The following NRXN1 variants were observed in gnomAD, a reference collection of about 807,000 sequenced individuals.
The protein encoded by NRXN1 is neurexin 1.
NRXN1 carries 39 observed loss-of-function variants against 150.9 expected under a neutral mutation model. The observed-to-expected ratio is 0.26, with a 90% CI of 0.20 to 0.34. The LOEUF (loss-of-function observed/expected upper bound fraction) is 0.34, where lower values mean the gene tolerates loss of function less well. Among genes scored for constraint, NRXN1 ranks in the 10% least tolerant of loss-of-function variants. The pLI, the probability that NRXN1 is intolerant of heterozygous loss-of-function variation, is 1.00. For synonymous variants in NRXN1, 924 were observed against 757.0 expected (o/e 1.22, Z -3.62); for missense variants, 1,815 against 1,949.9 (o/e 0.93, Z 1.30).
chr2:50,749,590 A>G (rs962174003), intron 5 of NRXN1, among the ~76,000 whole-genome samples: 1 of 152,116 alleles, frequency 6.6e-6, no homozygotes, highest in Non-Finnish European at 1.5e-5. Flanking sequence ...AATGGAGAAC[A>G]TGTTCATCTT....
chr2:49,924,017 A>G (rs1273489837), intron 22 of NRXN1, among the ~76,000 whole-genome samples: 2 of 152,230 alleles, frequency 1.3e-5, no homozygotes, highest in Non-Finnish European at 2.9e-5. Context: ...CCTCTCATGA[A>G]GAATAGAATC....
Position 50,844,890 on chromosome 2 carries a change from G to A in NRXN1, c.832+76979C>T, listed in dbSNP as rs147172742. Among the ~76,000 whole-genome samples the A allele has an allele frequency of 2.7e-3, 413 of 151,744 alleles. 2 individuals are homozygous for A. Among genetic ancestry groups the A allele is most frequent in the Middle Eastern group, 0.014 (4 of 294 alleles). The stretch of plus-strand genomic sequence containing the variant: ...TTTTTTTGAAGCAGAGGCTTATTCT[G>A]TTGTTCAGGCTGGAGTGCAGTGGCG... On this transcript the variant is annotated intron_variant, in intron 5 of 22. Coordinates refer to ENST00000401669, the MANE Select transcript of NRXN1 (RefSeq NM_001330078.2).
intron 5 of NRXN1, among the ~76,000 whole-genome samples, chr2:50,839,822 C>A (rs148578108): frequency 4.7e-4 from 72 of 152,148 alleles, no homozygotes; most frequent in East Asian, 1.7e-3. Flanking sequence ...AGTAATTCTC[C>A]TCAGAACTAA....
intron 2 of NRXN1, among the ~76,000 whole-genome samples, chr2:50,987,045 T>C (rs1697833652): frequency 2.0e-5 from 3 of 151,896 alleles, no homozygotes; most frequent in South Asian, 2.1e-4. Context: ...AATGCACTTA[T>C]GTGACTTCTA....
At chr2:50,886,273 A>G (rs930517065) in intron 5 of NRXN1, among the ~76,000 whole-genome samples, 2 of 151,414 alleles carry the variant, frequency 1.3e-5, no homozygotes, top group Non-Finnish European at 3.0e-5. Flanking sequence ...GTAGAAAAAT[A>G]AAGATAGAAA....
rs902893972 is a variant in NRXN1 at position 49,922,018 on chromosome 2, T to C, written c.4450A>G (p.Lys1484Glu). The change falls in exon 23 of 23, where the codon AAG becomes GAG. Residue 1484 changes from lysine (K) to glutamate (E), a missense_variant. Lys to Glu is a moderately conservative substitution (Grantham distance 56). Around this residue, in one of 6 missense-constraint regions of NRXN1, gnomAD observed 265 missense variants for 307.1 expected, o/e 0.86. Transcript: ENST00000401669. The part of the protein sequence containing the change: ...NSAQSNGAVV[K>E]EKQPSSAKSS... ...TTCGCACTGCTGGGTTGTTTCTCCT[T>C]TACAACAGCCCCATTGGACTGTGCT... 2.5e-6 allele frequency: 4 copies of C among 1,614,068 alleles called. No individual in the cohort carries two copies. The African/African-American group carries it at 5.3e-5, about 22-fold the overall frequency.
Position 50,998,394 on chromosome 2 carries a change from G to GA in NRXN1, c.772+29107dup, listed in dbSNP as rs1387915552. Among the ~76,000 whole-genome samples, 5 of 106,180 alleles carry GA rather than the reference G, an allele frequency of 4.7e-5. 1 individual carries two copies. Among genetic ancestry groups the GA allele is most frequent in the African/African-American group, 3.0e-4 (5 of 16,526 alleles). The allele number at this position is 106,180 out of a possible 152,430, so 69.7% of individuals were successfully genotyped here. On this transcript the variant is annotated intron_variant, in intron 2 of 22. Transcript: ENST00000401669. ...AGCCATTTCTTGTGTAGCACCCAAGGAAAGTCTTTCACATTCAAACTGCCT... is the reference window on the plus strand; with the variant it reads ...AGCCATTTCTTGTGTAGCACCCAAGGAAAAGTCTTTCACATTCAAACTGCCT...
chr2:50,996,223 T>C (rs1699258670), intron 2 of NRXN1, among the ~76,000 whole-genome samples: 1 of 152,122 alleles, frequency 6.6e-6, no homozygotes, highest in South Asian at 2.1e-4. Flanking sequence ...GTAATTATTT[T>C]AATCCGTATT....
At chr2:50,732,145 T>C (rs1698177826) in intron 5 of NRXN1, among the ~76,000 whole-genome samples, 1 of 152,092 alleles carries the variant, frequency 6.6e-6, no homozygotes, top group South Asian at 2.1e-4. Context: ...GGTAGAAAGG[T>C]AAATATTTTA....
rs759887889 is a variant in NRXN1 at position 51,019,028 on chromosome 2, G to T, written c.772+8474C>A. On this transcript the variant is annotated intron_variant, in intron 2 of 22. Transcript: ENST00000401669. Reference sequence around the variant, plus strand: ...ATGACAGTAGGAAGCAGCACTAAATGTAAGAGTCTGCCACAACCCTCAAAT... The same window carrying T: ...ATGACAGTAGGAAGCAGCACTAAATTTAAGAGTCTGCCACAACCCTCAAAT... Among the ~76,000 whole-genome samples the T allele has an allele frequency of 9.2e-5, 14 of 152,178 alleles. No individual in the cohort carries two copies. In the East Asian group the frequency reaches 2.5e-3, roughly 27 times the overall value.
intron 21 of NRXN1, among the ~76,000 whole-genome samples, chr2:50,000,156 C>G (rs1236447297): frequency 6.6e-6 from 1 of 152,088 alleles, no homozygotes; most frequent in Admixed American, 6.6e-5. Context: ...ACAGAAAATC[C>G]TCACTAAAAG....
At chr2:50,322,474 G>A (rs542178073) in intron 17 of NRXN1, among the ~76,000 whole-genome samples, 1 of 152,146 alleles carries the variant, frequency 6.6e-6, no homozygotes, top group African/African-American at 2.4e-5. Flanking sequence ...TTTAAACAAG[G>A]AATTGACAAC....
chr2:50,776,096 G>A (rs151116682), intron 5 of NRXN1, among the ~76,000 whole-genome samples: 1 of 152,092 alleles, frequency 6.6e-6, no homozygotes, highest in Non-Finnish European at 1.5e-5. Flanking sequence ...TGACAGTACT[G>A]AGAACAACAT....
intron 18 of NRXN1, among the ~76,000 whole-genome samples, chr2:50,103,534 G>A (rs916079152): frequency 6.6e-6 from 1 of 151,952 alleles, no homozygotes; most frequent in Non-Finnish European, 1.5e-5. Context: ...CAAATGAGAC[G>A]AAGGATTCTC....
intron 17 of NRXN1, among the ~76,000 whole-genome samples, chr2:50,237,209 ATAG>A (rs2065533492): frequency 6.6e-6 from 1 of 152,070 alleles, no homozygotes; most frequent in South Asian, 2.1e-4. Context: ...TTCAGAACAA[ATAG>A]TAGGTTATTG....
intron 5 of NRXN1, among the ~76,000 whole-genome samples, chr2:50,623,978 C>G (rs1369370713): frequency 6.6e-6 from 1 of 152,008 alleles, no homozygotes; most frequent in African/African-American, 2.4e-5. Flanking sequence ...TGTTCCCCTT[C>G]CTGTGTTCAT....
intron 17 of NRXN1, among the ~76,000 whole-genome samples, chr2:50,439,079 A>G (rs1449144329): frequency 6.6e-6 from 1 of 152,240 alleles, no homozygotes; most frequent in Non-Finnish European, 1.5e-5. Flanking sequence ...TTAAAAAGCC[A>G]AAATTGTGTC....
chr2:50,656,285 A>T, intron 5 of NRXN1: 1 of 702,542 alleles, frequency 1.4e-6, no homozygotes, highest in African/African-American at 1.8e-5. Flanking sequence ...TGAGAAATTA[A>T]ATAGGCTTTT....
At chr2:50,229,845 A>T (rs1159829695) in intron 18 of NRXN1, among the ~76,000 whole-genome samples, 2 of 152,062 alleles carry the variant, frequency 1.3e-5, no homozygotes, top group Non-Finnish European at 2.9e-5. Flanking sequence ...GCTATAGAAG[A>T]AATTGTGGTA....
Sources: allele counts gnomAD v4.1 joint callset (sites outside exome capture counted in the v4.1 genomes callset), GRCh38; gene constraint gnomAD v4.1.1; regional missense constraint gnomAD v4.1.1; transcripts MANE v1.5; gene names NCBI Gene and HGNC (gene_info 2026-07-23, HGNC 2026-07-21).